Variants in NAV3 observed in about 807,000 individuals in gnomAD.
NAV3 encodes the protein neuron navigator 3, also known as pore membrane and/or filament interacting like protein 1.
NAV3 carries 87 observed loss-of-function variants against 244.7 expected under a neutral mutation model. That is an observed-to-expected ratio of 0.36 (90% CI 0.30 to 0.42). The LOEUF is 0.42. Among genes scored for constraint, NAV3 ranks in the 20% least tolerant of loss-of-function variants. The probability of loss-of-function intolerance (pLI) is 1.00; values close to 1 mark genes in which losing one functional copy is unlikely to be tolerated. For synonymous variants in NAV3, 1,126 were observed against 1,042.2 expected, an observed-to-expected ratio of 1.08 and a Z score of -1.55; for missense variants, 2,663 against 2,893.3, an observed-to-expected ratio of 0.92 and a Z score of 1.83.
At chr12:77,987,040 T>A (rs1003617184) in intron 5 of NAV3, among the ~76,000 whole-genome samples, 1 of 152,200 alleles carries the variant, frequency 6.6e-6, no homozygotes, top group South Asian at 2.1e-4. Context: ...ACTATAATTA[T>A]TTTAACCTTT....
chr12:77,999,325 G>C (rs1392258177), intron 7 of NAV3, among the ~76,000 whole-genome samples: 1 of 152,136 alleles, frequency 6.6e-6, no homozygotes, highest in Non-Finnish European at 1.5e-5. Flanking sequence ...TCAGAGTGTT[G>C]GGCTCTACAT....
At chr12:78,047,287 A>G (rs369974837) in intron 9 of NAV3, among the ~76,000 whole-genome samples, 106 of 152,214 alleles carry the variant, frequency 7.0e-4, no homozygotes, top group African/African-American at 2.4e-3. Flanking sequence ...GGAGATCGAG[A>G]CCATCCTGGC....
At chr12:77,784,794 T>A (rs1870829027) in intron 2 of NAV3, among the ~76,000 whole-genome samples, 1 of 152,138 alleles carries the variant, frequency 6.6e-6, no homozygotes, top group Non-Finnish European at 1.5e-5. Flanking sequence ...TAACTAATAT[T>A]TTGTCACAGA....
chr12:77,582,422 T>C (rs1869406476), intron 2 of NAV3, among the ~76,000 whole-genome samples: 1 of 152,236 alleles, frequency 6.6e-6, no homozygotes, highest in Admixed American at 6.5e-5. Flanking sequence ...TTTGATGACA[T>C]TAAACCGGTT....
chr12:77,892,166 A>C (rs1326404178), intron 1 of NAV3, among the ~76,000 whole-genome samples: 1 of 152,212 alleles, frequency 6.6e-6, no homozygotes, highest in Non-Finnish European at 1.5e-5. Flanking sequence ...TGCACTCATA[A>C]ATTTATTAAT....
chr12:78,036,434 G>GAA, intron 9 of NAV3: 1 of 158,148 alleles, frequency 6.3e-6, no homozygotes, highest in Non-Finnish European at 1.4e-5. Flanking sequence ...GCAGGGGAAA[G>GAA]AAAAAAAAAA....
chr12:77,744,279 T>C (rs1592640357), intron 2 of NAV3, among the ~76,000 whole-genome samples: 1 of 151,988 alleles, frequency 6.6e-6, no homozygotes, highest in Non-Finnish European at 1.5e-5. Flanking sequence ...ATATGGTACA[T>C]TGATTTTTGA....
At chr12:77,657,952 G>T (rs1487585737) in intron 2 of NAV3, among the ~76,000 whole-genome samples, 2 of 152,162 alleles carry the variant, frequency 1.3e-5, no homozygotes, top group Non-Finnish European at 2.9e-5. Context: ...TTGATGGGAT[G>T]TATCTCAAAA....
chr12:77,625,040 A>G (rs1871553385), intron 2 of NAV3, among the ~76,000 whole-genome samples: 1 of 152,232 alleles, frequency 6.6e-6, no homozygotes, highest in South Asian at 2.1e-4. Flanking sequence ...AGCACACATC[A>G]TGCACATGTA....
At chr12:77,614,056 C>A (rs910828644) in intron 2 of NAV3, among the ~76,000 whole-genome samples, 1 of 144,190 alleles carries the variant, frequency 6.9e-6, no homozygotes, top group African/African-American at 2.5e-5. Flanking sequence ...TTTGACTTTG[C>A]CTTTCTTTTC....
At chr12:77,930,725 A>C (rs1888701912) in intron 1 of NAV3, among the ~76,000 whole-genome samples, 1 of 152,118 alleles carries the variant, frequency 6.6e-6, no homozygotes, top group Admixed American at 6.5e-5. Context: ...CCTCCTTACA[A>C]GGGATGTATG....
chr12:77,878,098 G>T (rs1352993556), intron 1 of NAV3, among the ~76,000 whole-genome samples: 1 of 152,104 alleles, frequency 6.6e-6, no homozygotes, highest in African/African-American at 2.4e-5. Flanking sequence ...GTAGGAAAAA[G>T]AGCCTAAGGG....
At chr12:77,582,867 A>G (rs904073155) in intron 2 of NAV3, among the ~76,000 whole-genome samples, 8 of 152,238 alleles carry the variant, frequency 5.3e-5, no homozygotes, top group Admixed American at 2.6e-4. Context: ...AATTCAAGGC[A>G]TATCCACACC....
intron 31 of NAV3, among the ~76,000 whole-genome samples, chr12:78,186,246 A>G (rs374450916): frequency 9.2e-5 from 14 of 151,920 alleles, no homozygotes; most frequent in Non-Finnish European, 1.5e-5. Flanking sequence ...TGGCAATGCC[A>G]TTCTGACTCT....
At chr12:77,814,250 A>C (rs1872434512) in intron 2 of NAV3, among the ~76,000 whole-genome samples, 1 of 152,128 alleles carries the variant, frequency 6.6e-6, no homozygotes, top group East Asian at 1.9e-4. Flanking sequence ...TGTGGAGAAA[A>C]AAAAAAACTC....
At chr12:77,679,543 G>GT (rs1874356022) in intron 2 of NAV3, among the ~76,000 whole-genome samples, 1 of 144,342 alleles carries the variant, frequency 6.9e-6, no homozygotes. Context: ...CCAGAGGACA[G>GT]TTAAAAAAAA....
chr12:77,945,465 C>T (rs1204749761), intron 3 of NAV3, among the ~76,000 whole-genome samples: 1 of 151,972 alleles, frequency 6.6e-6, no homozygotes, highest in African/African-American at 2.4e-5. Context: ...AGGATTATGG[C>T]CGGAACAGGG....
At chr12:77,998,283 T>TTCAGCACCTCTGA in intron 6 of NAV3, 54 bp from the exon 7 acceptor site, 1 of 1,357,670 alleles carries the variant, frequency 7.4e-7, no homozygotes, top group Non-Finnish European at 9.7e-7. Context: ...ACCTCCTGCT[T>TTCAGCACCTCTGA]CTTACCTTTT....
intron 2 of NAV3, among the ~76,000 whole-genome samples, chr12:77,573,903 G>T (rs1378877996): frequency 6.6e-6 from 1 of 152,152 alleles, no homozygotes; most frequent in Non-Finnish European, 1.5e-5. Context: ...TTGAAGAATG[G>T]AACGAATTCT....
Sources: allele counts gnomAD v4.1 joint callset (sites outside exome capture counted in the v4.1 genomes callset), GRCh38; gene constraint gnomAD v4.1.1; transcripts MANE v1.5; gene names NCBI Gene and HGNC (gene_info 2026-07-23, HGNC 2026-07-21).